Variants in KMT2E observed in about 807,000 individuals in gnomAD.
KMT2E encodes lysine methyltransferase 2E (inactive).
KMT2E carries 30 observed loss-of-function variants against 184.6 expected under a neutral mutation model. That is an observed-to-expected ratio of 0.16 (90% CI 0.12 to 0.22). The LOEUF (loss-of-function observed/expected upper bound fraction) is 0.22. KMT2E is among the 10% of genes least tolerant of loss of function. KMT2E has a pLI of 1.00. For missense variants in KMT2E, 2,023 were observed against 2,237.4 expected (o/e 0.90, Z 1.93); for synonymous variants, 815 against 776.5 (o/e 1.05, Z -0.82).
At position 105,111,866 on chromosome 7, in the gene KMT2E, G is replaced by A; in HGVS notation, c.4110G>A (p.Gly1370=). The change falls in exon 27 of 27, where the codon GGG becomes GGA. Residue 1370 remains glycine, a synonymous_variant. Transcript: ENST00000311117. ...CTGTAATTCCTGCTCAAGCACACGG[G>A]AAAATATTCACAAAACCAGATCCCC... ...PGSVIPAQAH[G]KIFTKPDPQW... The A allele has an allele frequency of 6.2e-7, 1 of 1,613,908 alleles. No individual in the cohort carries two copies. Among genetic ancestry groups the A allele is most frequent in the Non-Finnish European group, 8.5e-7 (1 of 1,179,952 alleles).
rs1020394760 is a variant in KMT2E, at chr7:105,088,045, T to C, written c.1359-1964T>C. ...TATTGCAGTCAGATTTATCATATCA[T>C]TTTAGTCCTTTCTCCTCTCGAAGGT... is the stretch of plus-strand genomic sequence containing the variant. On this transcript the variant is annotated intron_variant, in intron 13 of 26. Transcript: ENST00000311117. Among the ~76,000 whole-genome samples the C allele has an allele frequency of 4.6e-5, 7 of 152,162 alleles. No homozygotes were observed. In the East Asian group the frequency reaches 7.7e-4, roughly 17 times the overall value.
At chr7:105,095,816 A>G (rs1335857310) in intron 15 of KMT2E, among the ~76,000 whole-genome samples, 1 of 152,124 alleles carries the variant, frequency 6.6e-6, no homozygotes, top group East Asian at 1.9e-4. Flanking sequence ...GTGTCCTCCT[A>G]GTATATTTGT....
rs376054779 is a variant in KMT2E at position 105,090,061 on chromosome 7, C to T, written c.1411C>T (p.Leu471=). 193 of 1,613,528 alleles carry T rather than the reference C, an allele frequency of 1.2e-4. 2 individuals are homozygous for T. The highest frequency in any genetic ancestry group is 1.6e-4 in the Non-Finnish European group (184 of 1,179,886). The change falls in exon 14 of 27, where the codon CTA becomes TTA. Residue 471 remains leucine, a synonymous_variant. Transcript: ENST00000311117. The stretch of plus-strand genomic sequence containing the variant: ...CAAAGAAAACCCAGAGTGCCCTGTT[C>T]TAAAACGTAGTTCTGAATCCATGGA... ...CLKENPECPV[L]KRSSESMENI...
At chr7:105,041,792 CT>C (rs1313539324) in intron 3 of KMT2E, among the ~76,000 whole-genome samples, 3 of 152,054 alleles carry the variant, frequency 2.0e-5, no homozygotes, top group Non-Finnish European at 4.4e-5. Context: ...TTTACTTGTT[CT>C]TTTTTCATCC....
At chr7:105,054,458 G>GTCTGTCTGTCTGTCTA (rs1368282619) in intron 3 of KMT2E, among the ~76,000 whole-genome samples, 1 of 136,544 alleles carries the variant, frequency 7.3e-6, no homozygotes, top group African/African-American at 3.0e-5. Flanking sequence ...CTGTCTGTCT[G>GTCTGTCTGTCTGTCTA]TCTATCTATC....
intron 6 of KMT2E, among the ~76,000 whole-genome samples, chr7:105,072,190 C>T (rs1302786164): frequency 6.6e-6 from 1 of 151,792 alleles, no homozygotes; most frequent in Non-Finnish European, 1.5e-5. Context: ...TGGTGGCGGG[C>T]GCCTGTCGTC....
rs763693957 is a variant in KMT2E at position 105,107,234 on chromosome 7, A to G, written c.2904+12A>G. 1.3e-6 allele frequency: 2 copies of G among 1,546,648 alleles called. No homozygotes were observed. The highest frequency in any genetic ancestry group is 2.4e-5 in the South Asian group (2 of 82,152). ...CTTATAGTCAAGAGGTAAGAAGTTA[A>G]CTTAAAAAGGGTGAATTGGTAGTTT... On this transcript the variant is annotated intron_variant, in intron 21 of 26. Transcript: ENST00000311117.
At chr7:105,088,993 T>C (rs1798095711) in intron 13 of KMT2E, among the ~76,000 whole-genome samples, 1 of 152,224 alleles carries the variant, frequency 6.6e-6, no homozygotes, top group South Asian at 2.1e-4. Flanking sequence ...ATGTTTCTTA[T>C]GTAGGTCACA....
At chr7:105,030,412 G>C (rs1795360542) in intron 1 of KMT2E, among the ~76,000 whole-genome samples, 1 of 152,168 alleles carries the variant, frequency 6.6e-6, no homozygotes, top group South Asian at 2.1e-4. Flanking sequence ...GAATGAGCAA[G>C]GATATGCCAA....
intron 3 of KMT2E, among the ~76,000 whole-genome samples, chr7:105,051,469 G>A (rs988996124): frequency 2.0e-5 from 3 of 152,118 alleles, no homozygotes; most frequent in African/African-American, 4.8e-5. Context: ...ACAGGTGTGA[G>A]CCACTGCCCC....
chr7:105,027,224 G>C (rs1229648253), intron 1 of KMT2E, among the ~76,000 whole-genome samples: 2 of 151,562 alleles, frequency 1.3e-5, no homozygotes, highest in African/African-American at 4.9e-5. Context: ...TGGGACTACA[G>C]GTGCCATGTC....
At chr7:105,110,689 T>C in intron 25 of KMT2E, 82 bp from the exon 26 acceptor site, 1 of 1,587,388 alleles carries the variant, frequency 6.3e-7, no homozygotes, top group Non-Finnish European at 8.6e-7. Flanking sequence ...GTTTGGATAG[T>C]AGAATGTATG....
chr7:105,079,511 C>CTTTTTTTTTTTTTTTTTTTTTTTT (rs66734303), intron 12 of KMT2E, among the ~76,000 whole-genome samples: 1 of 62,330 alleles, frequency 1.6e-5, no homozygotes, highest in Admixed American at 2.3e-4. Context: ...ATTGGACTTC[C>CTTTTTTTTTTTTTTTTTTTTTTTT]TTTTTTTTTT....
chr7:105,091,171 A>T, intron 14 of KMT2E, 45 bp from the exon 15 acceptor site: 1 of 866,378 alleles, frequency 1.2e-6, no homozygotes, highest in Non-Finnish European at 1.9e-6. Context: ...CTAGTTGTAT[A>T]GATGGAATAA....
intron 3 of KMT2E, among the ~76,000 whole-genome samples, chr7:105,042,907 A>G (rs142299569): frequency 1.2e-3 from 178 of 152,324 alleles, no homozygotes; most frequent in Middle Eastern, 3.4e-3. Flanking sequence ...TATGCCTTCA[A>G]TAACATACAC....
intron 1 of KMT2E, among the ~76,000 whole-genome samples, chr7:105,025,473 T>A (rs150756264): frequency 6.7e-4 from 102 of 152,282 alleles, no homozygotes; most frequent in African/African-American, 2.4e-3. Flanking sequence ...ATTTATAGTT[T>A]ATGTATTTTT....
Position 105,063,405 on chromosome 7 carries a change from T to C in KMT2E, c.241T>C (p.Ser81Pro), listed in dbSNP as rs1480427120. Residue 81 changes from serine to proline, a missense_variant, in exon 5 of 27, where the codon TCA becomes CCA. Physicochemically the swap from Ser to Pro is moderately conservative, Grantham distance 74. Around this residue, in one of 8 missense-constraint regions of KMT2E, gnomAD observed 48 missense variants for 51.5 expected, o/e 0.93. Transcript: ENST00000311117. ...PPTPPASPPP[S>P]VLISKNEVGI... ...GACACCTCCGGCTTCCCCTCCTCCATCAGTCCTTATTAGCAAAAATGAAGT... is the reference window on the plus strand; with the variant it reads ...GACACCTCCGGCTTCCCCTCCTCCACCAGTCCTTATTAGCAAAAATGAAGT... 1.9e-6 allele frequency: 3 copies of C among 1,613,700 alleles called. No homozygotes were observed. The highest frequency in any genetic ancestry group is 2.5e-6 in the Non-Finnish European group (3 of 1,179,828).
chr7:105,050,892 A>G (rs1045727178), intron 3 of KMT2E, among the ~76,000 whole-genome samples: 7 of 150,818 alleles, frequency 4.6e-5, no homozygotes, highest in African/African-American at 1.5e-4. Flanking sequence ...AAGCCTGGCT[A>G]ATTTTTTTAT....
At position 105,078,882 on chromosome 7, in the gene KMT2E, T is replaced by C; in HGVS notation, c.1167T>C (p.His389=). ...TTGTGTTATTCTACTCTAAATTTCA[T>C]GGGCTAGAAATGTGTGTTGATGCAA... The part of the protein sequence containing the change: ...YPFVLFYSKF[H]GLEMCVDART... The change falls in exon 12 of 27, where the codon CAT becomes CAC. Residue 389 remains histidine (H), a synonymous_variant. Coordinates refer to ENST00000311117, the MANE Select transcript of KMT2E (RefSeq NM_182931.3). 3.7e-6 allele frequency: 6 copies of C among 1,608,012 alleles called. No homozygotes were observed. The African/African-American group carries it at 4.0e-5, about 11-fold the overall frequency.
Sources: allele counts gnomAD v4.1 joint callset (sites outside exome capture counted in the v4.1 genomes callset), GRCh38; gene constraint gnomAD v4.1.1; regional missense constraint gnomAD v4.1.1; transcripts MANE v1.5; gene names NCBI Gene and HGNC (gene_info 2026-07-23, HGNC 2026-07-21).